The following ADD2 variants were observed in gnomAD, a reference collection of about 807,000 sequenced individuals.
The protein encoded by ADD2 is adducin 2, also known as beta-adducin.
Under a neutral mutation model 83.0 loss-of-function variants are expected in ADD2, and 23 were observed. The observed-to-expected ratio is 0.28, with a 90% CI of 0.20 to 0.39. The LOEUF (loss-of-function observed/expected upper bound fraction) is 0.39. Ranked by LOEUF, ADD2 falls within the 10% of genes least tolerant of loss-of-function variation. ADD2 has a pLI of 1.00. For synonymous variants in ADD2, 375 were observed against 375.4 expected (o/e 1.00, Z 0.01); for missense variants, 758 against 944.9 (o/e 0.80, Z 2.59).
intron 4 of ADD2, among the ~76,000 whole-genome samples, chr2:70,698,954 TC>T (rs1553373135): frequency 1.3e-5 from 2 of 152,036 alleles, no homozygotes; most frequent in Non-Finnish European, 2.9e-5. Flanking sequence ...TAACAACCTA[TC>T]TGGGCTTGAA....
chr2:70,688,849 C>A (rs1009109622), intron 8 of ADD2, among the ~76,000 whole-genome samples: 18 of 152,160 alleles, frequency 1.2e-4, no homozygotes, highest in Admixed American at 9.8e-4. Flanking sequence ...GTAATCCCAG[C>A]ACTTTGGGAG....
chr2:70,668,289 C>T (rs1441665721), intron 15 of ADD2, among the ~76,000 whole-genome samples: 2 of 152,120 alleles, frequency 1.3e-5, no homozygotes, highest in African/African-American at 2.4e-5. Context: ...TCCAGGAATG[C>T]CAGCTCCCCC....
intron 15 of ADD2, among the ~76,000 whole-genome samples, chr2:70,666,594 G>A (rs558090627): frequency 6.6e-6 from 1 of 152,310 alleles, no homozygotes; most frequent in East Asian, 1.9e-4. Context: ...AGACAACTAT[G>A]GATAAGAGGG....
intron 1 of ADD2, among the ~76,000 whole-genome samples, chr2:70,725,373 T>C (rs1461948049): frequency 6.6e-6 from 1 of 152,188 alleles, no homozygotes; most frequent in African/African-American, 2.4e-5. Flanking sequence ...GAATCTGTAT[T>C]GGGTTGAATA....
chr2:70,693,850 TCCA>T (rs1671176640), intron 6 of ADD2, among the ~76,000 whole-genome samples: 1 of 152,146 alleles, frequency 6.6e-6, no homozygotes, highest in South Asian at 2.1e-4. Flanking sequence ...TTCAAGAACC[TCCA>T]CAGCCTAATA....
chr2:70,659,197 T>C lies in ADD2; in HGVS notation c.*4228A>G, dbSNP rs944315773. The C allele has an allele frequency of 6.8e-6, 1 of 147,490 alleles. No homozygotes were observed. Among genetic ancestry groups the C allele is most frequent in the Non-Finnish European group, 1.5e-5 (1 of 66,976 alleles). The allele number at this position is 147,490 out of a possible 1,614,324, so 9.1% of individuals were successfully genotyped here. A position where few individuals can be genotyped will look rare whatever the true frequency, so the allele number is the denominator to read the frequency against. ...AGAAAGAAAAAGAAAAAACATGTCA[T>C]GCAGACCTATGCGTAGGCTGTGTGT... On this transcript the variant is annotated 3_prime_UTR_variant, in exon 16 of 16. Transcript: ENST00000264436.
chr2:70,746,977 T>C (rs1468986307), intron 1 of ADD2, among the ~76,000 whole-genome samples: 9 of 151,510 alleles, frequency 5.9e-5, no homozygotes, highest in African/African-American at 1.9e-4. Context: ...AAATGGTCCC[T>C]GCACTCCAGG....
chr2:70,745,519 G>A (rs1161748045), intron 1 of ADD2, among the ~76,000 whole-genome samples: 2 of 152,124 alleles, frequency 1.3e-5, no homozygotes, highest in African/African-American at 4.8e-5. Context: ...GATGCAGGCC[G>A]CCTCTCTGAG....
At chr2:70,681,544 C>T (rs782194156) in intron 10 of ADD2, among the ~76,000 whole-genome samples, 1 of 152,200 alleles carries the variant, frequency 6.6e-6, no homozygotes, top group Non-Finnish European at 1.5e-5. Flanking sequence ...GCATGGCCAG[C>T]CTCGCATCAG....
intron 14 of ADD2, chr2:70,673,404 AACTCCCCTTATTTTATTTTTTGCTG>A: frequency 8.3e-7 from 1 of 1,208,180 alleles, no homozygotes; most frequent in Non-Finnish European, 1.2e-6. Flanking sequence ...CACAACCACC[AACTCCCCTTATTTTATTTTTTGCTG>A]ACTCCCCTTA....
chr2:70,683,296 G>A (rs1219642421), intron 10 of ADD2, among the ~76,000 whole-genome samples: 1 of 152,042 alleles, frequency 6.6e-6, no homozygotes, highest in African/African-American at 2.4e-5. Flanking sequence ...CAGAGTGCTG[G>A]GATTAAAGGT....
At chr2:70,682,895 T>C (rs782559323) in intron 10 of ADD2, among the ~76,000 whole-genome samples, 3 of 152,190 alleles carry the variant, frequency 2.0e-5, no homozygotes, top group Non-Finnish European at 4.4e-5. Flanking sequence ...AGGAAATTAG[T>C]AGTATTATGT....
intron 4 of ADD2, 39 bp downstream of exon 4, chr2:70,704,282 T>TCCCCCCCCCCC: frequency 2.2e-6 from 1 of 448,552 alleles, no homozygotes; most frequent in Non-Finnish European, 3.6e-6. Context: ...CACCCTCCCC[T>TCCCCCCCCCCC]CCACCTCTGC....
At chr2:70,763,500 G>GACCT (rs1675223764) in intron 1 of ADD2, among the ~76,000 whole-genome samples, 1 of 151,914 alleles carries the variant, frequency 6.6e-6, no homozygotes, top group African/African-American at 2.4e-5. Context: ...AATTTCTCAT[G>GACCT]ACCTCATGGT....
chr2:70,743,312 G>A (rs79485830), intron 1 of ADD2, among the ~76,000 whole-genome samples: 5,753 of 152,240 alleles, frequency 0.038, 363 homozygotes, highest in African/African-American at 0.13. Context: ...AAGGACATGT[G>A]CAAAATATAA....
chr2:70,682,930 T>C (rs879968020), intron 10 of ADD2, among the ~76,000 whole-genome samples: 9 of 151,922 alleles, frequency 5.9e-5, no homozygotes, highest in Non-Finnish European at 8.8e-5. Context: ...AGTCATGAAA[T>C]GGACAGAAAG....
In ADD2 at chr2:70,657,464, A is replaced by G. The variant is rs1309241378; in HGVS notation, c.*5961T>C. Reference sequence around the variant, plus strand: ...CACTAAGATGTTGGTTGCAGCATAAATTGCAGGAATTTAAAGGTGGGGCAG... The same window carrying G: ...CACTAAGATGTTGGTTGCAGCATAAGTTGCAGGAATTTAAAGGTGGGGCAG... On this transcript the variant is annotated 3_prime_UTR_variant, in exon 16 of 16. Transcript: ENST00000264436. The G allele has an allele frequency of 6.6e-6, 1 of 152,170 alleles. No individual in the cohort carries two copies. The highest frequency in any genetic ancestry group is 2.4e-5 in the African/African-American group (1 of 41,420). The allele number at this position is 152,170 out of a possible 1,614,324, so 9.4% of individuals were successfully genotyped here.
intron 10 of ADD2, among the ~76,000 whole-genome samples, chr2:70,683,199 A>ATT (rs200641247): frequency 1.1e-4 from 16 of 149,916 alleles, no homozygotes; most frequent in African/African-American, 3.7e-4. Flanking sequence ...AATTTTTTGT[A>ATT]TTTTTTTTTA....
At chr2:70,720,500 T>C (rs1574286561) in intron 1 of ADD2, among the ~76,000 whole-genome samples, 1 of 152,236 alleles carries the variant, frequency 6.6e-6, no homozygotes, top group African/African-American at 2.4e-5. Flanking sequence ...TGATTCTGTA[T>C]TCTAGCGTCT....
Sources: gnomAD v4.1 joint callset for allele counts (sites outside exome capture counted in the v4.1 genomes callset) on GRCh38, gnomAD v4.1.1 for gene constraint, MANE v1.5 for transcripts, NCBI Gene and HGNC (gene_info 2026-07-23, HGNC 2026-07-21) for gene names.